Variants in LRRC53 observed in about 807,000 individuals in gnomAD.
LRRC53 encodes the protein leucine rich repeat containing 53, also known as leucine-rich repeat-containing protein 53.
In LRRC53, 25 loss-of-function variants were observed where a neutral mutation model predicts 13.6. The observed-to-expected ratio is 1.83, with a 90% confidence interval of 1.34 to 2.56. LRRC53 has a LOEUF of 2.56. LRRC53 is among the 30% of genes most tolerant of loss of function. The pLI is 0.00. For missense variants in LRRC53, 527 were observed against 275.8 expected (o/e 1.91, Z -6.45); for synonymous variants, 204 against 109.8 (o/e 1.86, Z -5.37).
intron 3 of LRRC53, among the ~76,000 whole-genome samples, chr1:74,477,670 C>A (rs1288849745): frequency 6.6e-6 from 1 of 152,190 alleles, no homozygotes; most frequent in Non-Finnish European, 1.5e-5. Flanking sequence ...CCCACTCACT[C>A]CCCTGCTCTT....
At chr1:74,503,795 T>C (rs1246354886) in intron 1 of LRRC53, among the ~76,000 whole-genome samples, 2 of 152,156 alleles carry the variant, frequency 1.3e-5, no homozygotes, top group Non-Finnish European at 2.9e-5. Flanking sequence ...TGCCCATAGG[T>C]TTTACTAATT....
chr1:74,481,999 G>C (rs998690289), intron 2 of LRRC53, among the ~76,000 whole-genome samples: 9 of 152,158 alleles, frequency 5.9e-5, no homozygotes, highest in African/African-American at 2.2e-4. Flanking sequence ...TCTTTTGGAA[G>C]AACTGTTCTC....
chr1:74,486,910 A>G (rs932752584), intron 1 of LRRC53, among the ~76,000 whole-genome samples: 5 of 152,206 alleles, frequency 3.3e-5, no homozygotes, highest in Admixed American at 6.5e-5. Context: ...TGAAATGACC[A>G]CTGAGATGTA....
chr1:74,516,722 T>A (rs1646353438), upstream of LRRC53, among the ~76,000 whole-genome samples: 1 of 152,120 alleles, frequency 6.6e-6, no homozygotes, highest in Admixed American at 6.6e-5. Flanking sequence ...ATATTCCCCA[T>A]CACTAATTCC....
In LRRC53 at chr1:74,475,275, C is replaced by A; in HGVS notation, c.1420+20G>T. On this transcript the variant is annotated intron_variant, in intron 4 of 4. Coordinates refer to ENST00000294635, the MANE Select transcript of LRRC53 (RefSeq NM_001382280.1). ...AAAGAATTAAACGGAGTGGGATTTT[C>A]TAAAACAAGACAAACTCACCTTCTG... 1.6e-6 allele frequency: 1 copy of A among 625,814 alleles called. No homozygotes were observed. The highest frequency in any genetic ancestry group is 2.9e-6 in the Non-Finnish European group (1 of 342,928). The allele number at this position is 625,814 out of a possible 1,614,324, so 38.8% of individuals were successfully genotyped here. A position where few individuals can be genotyped will look rare whatever the true frequency, so the allele number is the denominator to read the frequency against.
At chr1:74,511,826 T>C (rs1233629073) in intron 1 of LRRC53, among the ~76,000 whole-genome samples, 1 of 151,376 alleles carries the variant, frequency 6.6e-6, no homozygotes, top group East Asian at 2.0e-4. Flanking sequence ...GAAGAAAGAG[T>C]GTACTAGGAA....
the LRRC53 span, among the ~76,000 whole-genome samples, chr1:74,520,417 C>A: frequency 6.6e-6 from 1 of 152,040 alleles, no homozygotes; most frequent in Non-Finnish European, 1.5e-5. Context: ...CTCTGTGACT[C>A]CATGGATTCT....
At chr1:74,495,042 C>G (rs1669257854) in intron 1 of LRRC53, among the ~76,000 whole-genome samples, 1 of 152,156 alleles carries the variant, frequency 6.6e-6, no homozygotes, top group Non-Finnish European at 1.5e-5. Context: ...TTCAAAAAAC[C>G]TACATGCTGG....
chr1:74,491,659 A>G (rs1669084716), intron 1 of LRRC53, among the ~76,000 whole-genome samples: 1 of 152,234 alleles, frequency 6.6e-6, no homozygotes, highest in Non-Finnish European at 1.5e-5. Context: ...AAATTGATGT[A>G]TTCTTGGAAA....
rs913758025 is a variant in LRRC53 at position 74,470,064 on chromosome 1, G to T, written c.3558C>A (p.Gly1186=). The part of the protein sequence containing the change: ...QPDKDSAHKE[G]AMTVETHEAL... ...CTTCATGTGTCTCCACTGTCATTGC[G>T]CCTTCTTTATGTGCACTATCTTTAT... is the stretch of plus-strand genomic sequence containing the variant. The change falls in exon 5 of 5, where the codon GGC becomes GGA. Residue 1186 remains glycine (G), a synonymous_variant. Coordinates refer to ENST00000294635, the MANE Select transcript of LRRC53 (RefSeq NM_001382280.1). 1.7e-5 allele frequency: 7 copies of T among 400,510 alleles called. No homozygotes were observed. Among genetic ancestry groups the T allele is most frequent in the Non-Finnish European group, 2.7e-5 (6 of 226,166 alleles). 24.8% of individuals were successfully genotyped at this position (400,510 alleles called of 1,614,324 possible).
chr1:74,498,839 C>A (rs774673499), intron 1 of LRRC53, among the ~76,000 whole-genome samples: 2 of 152,050 alleles, frequency 1.3e-5, no homozygotes, highest in Non-Finnish European at 2.9e-5. Context: ...CACATTCATT[C>A]CCTGTGTGTT....
intron 1 of LRRC53, 95 bp from the exon 2 acceptor site, chr1:74,483,470 C>T: frequency 3.3e-6 from 2 of 608,536 alleles, no homozygotes; most frequent in Admixed American, 4.8e-5. Context: ...TTGGTAATTT[C>T]TACTGTTCAA....
the LRRC53 span, among the ~76,000 whole-genome samples, chr1:74,531,508 C>T: frequency 6.6e-6 from 1 of 152,134 alleles, no homozygotes; most frequent in Non-Finnish European, 1.5e-5. Flanking sequence ...CACTGCAAAG[C>T]ATAGAAAGGC....
chr1:74,472,248 T>G, intron 4 of LRRC53, 47 bp from the exon 5 acceptor site: 1 of 711,184 alleles, frequency 1.4e-6, no homozygotes, highest in East Asian at 2.7e-5. Context: ...AGAGTTTTAT[T>G]ACCCCAACCA....
At chr1:74,532,757 G>A in the LRRC53 span, among the ~76,000 whole-genome samples, 1 of 151,784 alleles carries the variant, frequency 6.6e-6, no homozygotes, top group African/African-American at 2.4e-5. Context: ...CAGAAATAAT[G>A]CTGCATATCT....
rs1469570602 is a variant in LRRC53 at position 74,471,386 on chromosome 1, A to G, written c.2236T>C (p.Leu746=). 1 of 400,602 alleles carries G rather than the reference A, an allele frequency of 2.5e-6. No homozygotes were observed. Among genetic ancestry groups the G allele is most frequent in the African/African-American group, 2.1e-5 (1 of 48,680 alleles). 24.8% of individuals were successfully genotyped at this position (400,602 alleles called of 1,614,324 possible). A position where few individuals can be genotyped will look rare whatever the true frequency, so the allele number is the denominator to read the frequency against. Residue 746 remains leucine (L), a synonymous_variant, in exon 5 of 5, where the codon TTG becomes CTG. Coordinates refer to ENST00000294635, the MANE Select transcript of LRRC53 (RefSeq NM_001382280.1). ...SSLPKQCKQV[L]LPPKKLSKTS... Reference sequence around the variant, plus strand: ...TTGGATAATTTCTTAGGAGGCAACAATACCTGCTTGCATTGCTTTGGGAGA... The same window carrying G: ...TTGGATAATTTCTTAGGAGGCAACAGTACCTGCTTGCATTGCTTTGGGAGA...
At position 74,475,626 on chromosome 1, in the gene LRRC53, C is replaced by G. The variant is rs1368851365; in HGVS notation, c.1089G>C (p.Glu363Asp). 3 of 717,090 alleles carry G rather than the reference C, an allele frequency of 4.2e-6. No homozygotes were observed. Among genetic ancestry groups the G allele is most frequent in the Non-Finnish European group, 7.8e-6 (3 of 384,928 alleles). The allele number at this position is 717,090 out of a possible 1,614,324, so 44.4% of individuals were successfully genotyped here. A position where few individuals can be genotyped will look rare whatever the true frequency, so the allele number is the denominator to read the frequency against. ...ACCCCACAGTGGACATGACCTTTAT[C>G]TCGTTTTCCTGAGTTAAGTGGCAGT... ...YCNCHLTQEN[E>D]IKVMSTVGSR... is the part of the protein sequence containing the mutation. The change falls in exon 4 of 5, where the codon GAG becomes GAC. Residue 363 changes from glutamate (E) to aspartate (D), a missense_variant. Transcript: ENST00000294635.
At chr1:74,493,199 G>C (rs1032956191) in intron 1 of LRRC53, among the ~76,000 whole-genome samples, 3 of 152,146 alleles carry the variant, frequency 2.0e-5, no homozygotes, top group Non-Finnish European at 4.4e-5. Context: ...TGCTTCTAGG[G>C]GATAGGGAGG....
At chr1:74,506,888 A>G (rs533425741) in intron 1 of LRRC53, among the ~76,000 whole-genome samples, 1 of 152,320 alleles carries the variant, frequency 6.6e-6, no homozygotes, top group East Asian at 1.9e-4. Context: ...TCTTCTCGGA[A>G]AAGATTTATC....
Sources: gnomAD v4.1 joint callset for allele counts (sites outside exome capture counted in the v4.1 genomes callset) on GRCh38, gnomAD v4.1.1 for gene constraint, MANE v1.5 for transcripts, NCBI Gene and HGNC (gene_info 2026-07-23, HGNC 2026-07-21) for gene names.